The following PAX7 variants were observed in gnomAD, a reference collection of about 807,000 sequenced individuals.
The protein encoded by PAX7 is paired box 7, also known as paired box protein Pax-7.
Under a neutral mutation model 50.7 loss-of-function variants are expected in PAX7, and 18 were observed. The ratio of observed to expected loss-of-function variants is 0.36; its 90% CI spans 0.25 to 0.53. The LOEUF (loss-of-function observed/expected upper bound fraction) is 0.53. Ranked by LOEUF, PAX7 falls within the 20% of genes least tolerant of loss-of-function variation. The probability of loss-of-function intolerance (pLI) is 0.93; values close to 1 mark genes in which losing one functional copy is unlikely to be tolerated. For synonymous variants in PAX7, 310 were observed against 290.4 expected, an observed-to-expected ratio of 1.07 and a Z score of -0.69; for missense variants, 644 against 702.9, an observed-to-expected ratio of 0.92 and a Z score of 0.95.
chr1:18,725,886 A>T (rs1445654582), intron 7 of PAX7, among the ~76,000 whole-genome samples: 1 of 152,218 alleles, frequency 6.6e-6, no homozygotes, highest in Non-Finnish European at 1.5e-5. Flanking sequence ...CTGCCCTGGG[A>T]TGAGGGGCAA....
chr1:18,652,349 A>C (rs899997025), intron 4 of PAX7, among the ~76,000 whole-genome samples: 8 of 151,984 alleles, frequency 5.3e-5, no homozygotes, highest in African/African-American at 1.5e-4. Flanking sequence ...TATTCCTAGG[A>C]GCACAGCCAG....
intron 7 of PAX7, among the ~76,000 whole-genome samples, chr1:18,711,437 C>G (rs528507411): frequency 4.9e-4 from 74 of 152,310 alleles, no homozygotes; most frequent in Admixed American, 2.4e-3. Flanking sequence ...TCCCTCTGTT[C>G]CCTTCTTTTA....
chr1:18,698,388 G>A (rs1186461586), intron 5 of PAX7, among the ~76,000 whole-genome samples: 2 of 151,648 alleles, frequency 1.3e-5, no homozygotes, highest in East Asian at 3.9e-4. Context: ...GCATTCAGAA[G>A]GGAGATTGGC....
At chr1:18,667,001 G>T (rs531927489) in intron 4 of PAX7, among the ~76,000 whole-genome samples, 1 of 152,256 alleles carries the variant, frequency 6.6e-6, no homozygotes, top group East Asian at 1.9e-4. Context: ...AAGGGTCCCT[G>T]AGACGCTCCG....
intron 7 of PAX7, among the ~76,000 whole-genome samples, chr1:18,707,836 C>T (rs1316357031): frequency 1.3e-5 from 2 of 151,984 alleles, no homozygotes; most frequent in Non-Finnish European, 2.9e-5. Context: ...AGGGAAGCCA[C>T]CCCCCATCTA....
chr1:18,706,168 C>G (rs914612622), intron 7 of PAX7, among the ~76,000 whole-genome samples: 4 of 152,218 alleles, frequency 2.6e-5, no homozygotes, highest in African/African-American at 9.7e-5. Flanking sequence ...TTGACACCAT[C>G]AGCACATCAC....
chr1:18,636,914 C>T lies in PAX7; in HGVS notation c.586+543C>T, dbSNP rs1402684976. ...GCAATCAATAAAAATTAGCCAGGGC[C>T]GCCGCCTGACTCAGCCCCGCGTTGC... On this transcript the variant is annotated intron_variant, in intron 4 of 8. Transcript: ENST00000420770. The surrounding 1 kb of genome is among the most constrained non-coding windows in gnomAD (Gnocchi z 5.1). Among the ~76,000 whole-genome samples, 1 of 152,182 alleles carries T rather than the reference C, an allele frequency of 6.6e-6. No homozygotes were observed. Among genetic ancestry groups the T allele is most frequent in the Non-Finnish European group, 1.5e-5 (1 of 68,042 alleles).
chr1:18,655,770 GGTGTGTGTGT>G (rs549280757), intron 4 of PAX7, among the ~76,000 whole-genome samples: 5,119 of 143,646 alleles, frequency 0.036, 160 homozygotes, highest in East Asian at 0.15. Flanking sequence ...ACTTGGAGAG[GGTGTGTGTGT>G]GTGTGTGTGT....
At chr1:18,721,959 C>T (rs2089500518) in intron 7 of PAX7, among the ~76,000 whole-genome samples, 1 of 152,178 alleles carries the variant, frequency 6.6e-6, no homozygotes, top group Non-Finnish European at 1.5e-5. Flanking sequence ...AAGTTGGTGG[C>T]AATGGTTACC....
intron 8 of PAX7, among the ~76,000 whole-genome samples, chr1:18,740,833 C>T (rs1931093170): frequency 6.6e-6 from 1 of 152,158 alleles, no homozygotes; most frequent in Admixed American, 6.5e-5. Context: ...GAATAAAATC[C>T]TGTCATCTGC....
At position 18,665,689 on chromosome 1, in the gene PAX7, G is replaced by A. The variant is rs1183134053; in HGVS notation, c.587-26065G>A. Among the ~76,000 whole-genome samples, 4 of 47,412 alleles carry A rather than the reference G, an allele frequency of 8.4e-5. No individual in the cohort carries two copies. The South Asian group carries it at 1.9e-3, about 22-fold the overall frequency. 31.1% of individuals were successfully genotyped at this position (47,412 alleles called of 152,430 possible). On this transcript the variant is annotated intron_variant, in intron 4 of 8. Coordinates refer to ENST00000420770, the MANE Select transcript of PAX7 (RefSeq NM_001135254.2). ...CGCCCAGCCTTTTTTTTTTTTTTTT[G>A]AAACAGAGTCTTGCTTTGTTGCCCA... is the stretch of plus-strand genomic sequence containing the variant.
chr1:18,671,804 T>TA (rs112404710), intron 4 of PAX7, among the ~76,000 whole-genome samples: 14,325 of 135,212 alleles, frequency 0.11, 1,755 homozygotes, highest in African/African-American at 0.31. Flanking sequence ...CCTAACTCTA[T>TA]AAAAAAAAAA....
chr1:18,644,065 G>A (rs1444337953), intron 4 of PAX7, among the ~76,000 whole-genome samples: 2 of 152,252 alleles, frequency 1.3e-5, no homozygotes, highest in African/African-American at 4.8e-5. Context: ...CTTGGGAAGG[G>A]ATGGCGCTCC....
intron 7 of PAX7, among the ~76,000 whole-genome samples, chr1:18,712,089 G>A (rs1270718072): frequency 6.6e-6 from 1 of 151,944 alleles, no homozygotes; most frequent in Non-Finnish European, 1.5e-5. Context: ...CCAGGGTAGG[G>A]ATGAACTGCA....
chr1:18,702,513 C>T (rs1198119107), intron 6 of PAX7, among the ~76,000 whole-genome samples: 5 of 152,046 alleles, frequency 3.3e-5, no homozygotes, highest in Non-Finnish European at 7.4e-5. Flanking sequence ...TGCAAAGCTG[C>T]ACAGAAGGGC....
intron 4 of PAX7, among the ~76,000 whole-genome samples, chr1:18,687,904 G>C (rs1380658516): frequency 1.3e-5 from 2 of 152,152 alleles, no homozygotes; most frequent in Non-Finnish European, 2.9e-5. Context: ...GAGTGGGAGG[G>C]ACAAGGAGAC....
chr1:18,717,278 G>A (rs1365817142), intron 7 of PAX7, among the ~76,000 whole-genome samples: 2 of 152,166 alleles, frequency 1.3e-5, no homozygotes, highest in African/African-American at 4.8e-5. Context: ...GTCCAGTCTT[G>A]GTCGCGGGGC....
At position 18,655,255 on chromosome 1, in the gene PAX7, C is replaced by T. The variant is rs569801471; in HGVS notation, c.586+18884C>T. The stretch of plus-strand genomic sequence containing the variant: ...CACGGTCAGAAACAAGGGCTGCGGC[C>T]GGTCCCAGCCCATGACTACAGAGCT... On this transcript the variant is annotated intron_variant, in intron 4 of 8. Transcript: ENST00000420770. Among the ~76,000 whole-genome samples the T allele has an allele frequency of 4.2e-4, 64 of 152,322 alleles. No individual in the cohort carries two copies. In the East Asian group the frequency reaches 0.011, roughly 26 times the overall value.
intron 4 of PAX7, among the ~76,000 whole-genome samples, chr1:18,665,913 C>G (rs2088662291): frequency 6.6e-6 from 1 of 152,030 alleles, no homozygotes; most frequent in Non-Finnish European, 1.5e-5. Flanking sequence ...CTCTGGTGAT[C>G]CGCCTGCTTC....
Sources: gnomAD v4.1 joint callset for allele counts (sites outside exome capture counted in the v4.1 genomes callset) on GRCh38, gnomAD v4.1.1 for gene constraint, Gnocchi (gnomAD v3.1) non-coding constraint, MANE v1.5 for transcripts, NCBI Gene and HGNC (gene_info 2026-07-23, HGNC 2026-07-21) for gene names.